CNTRL: variants seen among roughly 807,000 people sequenced by gnomAD.
The protein encoded by CNTRL is 110 kDa centrosomal protein.
Under a neutral mutation model 303.7 loss-of-function variants are expected in CNTRL, and 233 were observed. The observed-to-expected ratio is 0.77, with a 90% CI of 0.69 to 0.86. The LOEUF is 0.86. Among genes scored for constraint, CNTRL ranks in the 40% least tolerant of loss-of-function variants. The pLI is 0.00. For synonymous variants in CNTRL, 900 were observed against 922.2 expected, an observed-to-expected ratio of 0.98 and a Z score of 0.44; for missense variants, 2,524 against 2,650.6, an observed-to-expected ratio of 0.95 and a Z score of 1.05.
intron 17 of CNTRL, 65 bp downstream of exon 17, chr9:121,140,851 G>A (rs2051470345): frequency 2.7e-6 from 4 of 1,474,992 alleles, no homozygotes; most frequent in African/African-American, 1.4e-5. Context: ...GTGAGTGTGA[G>A]GTTCAATGAT....
Position 121,175,207 on chromosome 9 carries a change from C to G in CNTRL, c.6937C>G (p.Gln2313Glu). 1 of 1,613,970 alleles carries G rather than the reference C, an allele frequency of 6.2e-7. No homozygotes were observed. Among genetic ancestry groups the G allele is most frequent in the Non-Finnish European group, 8.5e-7 (1 of 1,179,934 alleles). ...GGAGTCTTCCCTCACAGAGGACTCTCAACTTGGACAAAATCAGGTAAGCAG... is the reference window on the plus strand; with the variant it reads ...GGAGTCTTCCCTCACAGAGGACTCTGAACTTGGACAAAATCAGGTAAGCAG... ...QLESSLTEDS[Q>E]LGQNQEKNAS... is the part of the protein sequence containing the mutation. The change falls in exon 43 of 44, where the codon CAA becomes GAA. Residue 2313 changes from glutamine (Q) to glutamate (E), a missense_variant. Transcript: ENST00000373855.
chr9:121,100,937 T>G (rs908023994), intron 7 of CNTRL, among the ~76,000 whole-genome samples: 1 of 152,172 alleles, frequency 6.6e-6, no homozygotes, highest in African/African-American at 2.4e-5. Context: ...ACAAAGAGAC[T>G]TAGACTCCCA....
chr9:121,098,294 G>A, intron 6 of CNTRL, 92 bp from the exon 7 acceptor site: 1 of 953,284 alleles, frequency 1.0e-6, no homozygotes. Context: ...TAGATTCCTT[G>A]CCATGTTAAA....
chr9:121,079,839 A>C (rs1254873773), intron 1 of CNTRL, among the ~76,000 whole-genome samples: 1 of 151,928 alleles, frequency 6.6e-6, no homozygotes. Context: ...TTTGTATAAA[A>C]TTTTCTGGGT....
intron 39 of CNTRL, 31 bp downstream of exon 39, chr9:121,169,847 G>A: frequency 2.5e-6 from 4 of 1,585,572 alleles, no homozygotes; most frequent in Non-Finnish European, 3.5e-6. Context: ...CAGTTTGTGA[G>A]GAAATGATAA....
chr9:121,116,182 G>A (rs1365417198), intron 11 of CNTRL, among the ~76,000 whole-genome samples: 1 of 152,170 alleles, frequency 6.6e-6, no homozygotes, highest in African/African-American at 2.4e-5. Flanking sequence ...CTCTGAAGAG[G>A]TGACAGGCTA....
chr9:121,120,674 G>A (rs1237717581), intron 12 of CNTRL, among the ~76,000 whole-genome samples: 9 of 152,246 alleles, frequency 5.9e-5, no homozygotes, highest in Non-Finnish European at 1.2e-4. Context: ...TGGATTATGT[G>A]TTTGCTTTCA....
At chr9:121,097,798 C>T (rs2048954535) in intron 6 of CNTRL, among the ~76,000 whole-genome samples, 1 of 152,052 alleles carries the variant, frequency 6.6e-6, no homozygotes, top group South Asian at 2.1e-4. Context: ...ATGTCCTCAC[C>T]CCATTGATAT....
intron 4 of CNTRL, among the ~76,000 whole-genome samples, chr9:121,092,877 G>A (rs1205762200): frequency 1.4e-5 from 2 of 139,450 alleles, no homozygotes; most frequent in African/African-American, 5.5e-5. Flanking sequence ...CGTGATCTCG[G>A]CTCACTGCAA....
At chr9:121,130,067 T>C (rs1441598380) in intron 14 of CNTRL, among the ~76,000 whole-genome samples, 2 of 152,250 alleles carry the variant, frequency 1.3e-5, no homozygotes, top group African/African-American at 4.8e-5. Context: ...CACATCGATA[T>C]TCATCAGGGA....
At chr9:121,148,924 C>A in intron 24 of CNTRL, 63 bp downstream of exon 24, 1 of 1,446,000 alleles carries the variant, frequency 6.9e-7, no homozygotes. Flanking sequence ...TTTACTGATT[C>A]TCTGAAACCC....
chr9:121,103,453 A>T (rs1242887364), intron 7 of CNTRL, among the ~76,000 whole-genome samples: 2 of 152,250 alleles, frequency 1.3e-5, no homozygotes, highest in Non-Finnish European at 2.9e-5. Flanking sequence ...ACCCTAGAAG[A>T]AAACCTAGGC....
At chr9:121,108,359 A>C (rs1221377266) in intron 8 of CNTRL, among the ~76,000 whole-genome samples, 3 of 152,206 alleles carry the variant, frequency 2.0e-5, no homozygotes, top group Non-Finnish European at 2.9e-5. Context: ...AAGATAAAAT[A>C]TAATATCTTT....
chr9:121,110,248 T>TA (rs763564558), intron 8 of CNTRL, among the ~76,000 whole-genome samples: 10 of 152,118 alleles, frequency 6.6e-5, no homozygotes, highest in Non-Finnish European at 1.2e-4. Context: ...TAGTTATATT[T>TA]AAAATGAGGA....
chr9:121,134,288 T>C (rs1490309978), intron 14 of CNTRL, among the ~76,000 whole-genome samples: 1 of 100,936 alleles, frequency 9.9e-6, no homozygotes, highest in Admixed American at 1.2e-4. Flanking sequence ...TCTAATATCA[T>C]TATTATTTTT....
intron 2 of CNTRL, among the ~76,000 whole-genome samples, chr9:121,081,778 C>T (rs1457697575): frequency 6.6e-6 from 1 of 152,214 alleles, no homozygotes; most frequent in Non-Finnish European, 1.5e-5. Flanking sequence ...TCTCTGGACC[C>T]TGTCCTTTTG....
intron 7 of CNTRL, 55 bp from the exon 8 acceptor site, chr9:121,107,747 C>T: frequency 7.3e-6 from 8 of 1,098,070 alleles, no homozygotes; most frequent in South Asian, 1.8e-5. Flanking sequence ...ATATTCTTAC[C>T]TTTTTAAAAA....
At chr9:121,158,183 G>A in intron 30 of CNTRL, 74 bp downstream of exon 30, 1 of 1,527,098 alleles carries the variant, frequency 6.5e-7, no homozygotes, top group Non-Finnish European at 8.9e-7. Context: ...ATGTTTAATT[G>A]TAGAAAAGAA....
At chr9:121,101,696 CAATA>C (rs1419083408) in intron 7 of CNTRL, among the ~76,000 whole-genome samples, 9 of 152,168 alleles carry the variant, frequency 5.9e-5, no homozygotes, top group Non-Finnish European at 1.3e-4. Flanking sequence ...CAAATAGACA[CAATA>C]AAAAATGATA....
Sources: allele counts gnomAD v4.1 joint callset (sites outside exome capture counted in the v4.1 genomes callset), GRCh38; gene constraint gnomAD v4.1.1; transcripts MANE v1.5; gene names NCBI Gene and HGNC (gene_info 2026-07-23, HGNC 2026-07-21).